SV2C: variants seen among roughly 807,000 people sequenced by gnomAD.
The protein encoded by SV2C is solute carrier family 22 member B3.
A neutral mutation model predicts 79.7 loss-of-function variants in SV2C; 49 were observed. That is an observed-to-expected ratio of 0.61 (90% CI 0.49 to 0.78). SV2C has a LOEUF of 0.78. Ranked by LOEUF, SV2C falls within the 30% of genes least tolerant of loss-of-function variation. The pLI, the probability that SV2C is intolerant of heterozygous loss-of-function variation, is 0.00. For missense variants in SV2C, 833 were observed against 912.9 expected, an observed-to-expected ratio of 0.91 and a Z score of 1.13; for synonymous variants, 334 against 333.2, an observed-to-expected ratio of 1.00 and a Z score of -0.03.
chr5:75,920,209 T>C, the SV2C span, among the ~76,000 whole-genome samples: 1 of 152,230 alleles, frequency 6.6e-6, no homozygotes, highest in Admixed American at 6.5e-5. Flanking sequence ...GAGAGCATTA[T>C]CTAGGAGCTG....
At chr5:76,136,879 CTGACAGGTCACAT>C (rs1459095954) in intron 2 of SV2C, among the ~76,000 whole-genome samples, 2 of 152,260 alleles carry the variant, frequency 1.3e-5, no homozygotes, top group Middle Eastern at 3.4e-3. Context: ...AGTGTTGGAG[CTGACAGGTCACAT>C]TGTGGATATA....
At chr5:76,292,041 T>A (rs1273894227) in intron 8 of SV2C, among the ~76,000 whole-genome samples, 185 bp downstream of exon 8, 1 of 152,210 alleles carries the variant, frequency 6.6e-6, no homozygotes, top group Non-Finnish European at 1.5e-5. Context: ...TGTTTTGTCA[T>A]AAAGCTAAGG....
At chr5:76,052,895 CTATTATAA>C in the SV2C span, among the ~76,000 whole-genome samples, 1 of 150,438 alleles carries the variant, frequency 6.6e-6, no homozygotes, top group Non-Finnish European at 1.5e-5. Flanking sequence ...TAATAATCTA[CTATTATAA>C]TATTATATAT....
At chr5:76,059,153 T>G in the SV2C span, among the ~76,000 whole-genome samples, 1 of 152,106 alleles carries the variant, frequency 6.6e-6, no homozygotes, top group Admixed American at 6.6e-5. Context: ...TTATAATCTT[T>G]TTGCTGGTGG....
chr5:76,001,551 T>G, the SV2C span, among the ~76,000 whole-genome samples: 3 of 151,466 alleles, frequency 2.0e-5, no homozygotes, highest in Admixed American at 2.0e-4. Flanking sequence ...GCAGCGCCAC[T>G]GCACTCCAGC....
At chr5:76,143,753 G>A (rs1024238874) in intron 2 of SV2C, among the ~76,000 whole-genome samples, 1 of 152,096 alleles carries the variant, frequency 6.6e-6, no homozygotes, top group Non-Finnish European at 1.5e-5. Flanking sequence ...TAGGATTGTG[G>A]TTTTAACATC....
At chr5:76,318,431 G>GA (rs921242353) in intron 12 of SV2C, among the ~76,000 whole-genome samples, 151 of 145,918 alleles carry the variant, frequency 1.0e-3, no homozygotes, top group African/African-American at 1.7e-3. Flanking sequence ...AAGAAAGAAA[G>GA]AAAAAAAAAA....
chr5:75,935,711 G>A, the SV2C span, among the ~76,000 whole-genome samples: 86,175 of 151,950 alleles, frequency 0.57, 25,312 homozygotes, highest in African/African-American at 0.73. Context: ...GTGTTAAGAA[G>A]TACGTAACAT....
At chr5:76,276,509 G>A (rs940933233) in intron 4 of SV2C, among the ~76,000 whole-genome samples, 1 of 152,132 alleles carries the variant, frequency 6.6e-6, no homozygotes, top group African/African-American at 2.4e-5. Flanking sequence ...TGTATTTCTT[G>A]TAGAGACGAG....
chr5:75,995,636 C>A, the SV2C span, among the ~76,000 whole-genome samples: 21 of 152,090 alleles, frequency 1.4e-4, no homozygotes, highest in African/African-American at 5.1e-4. Flanking sequence ...TCTGTGTAAC[C>A]TTTATTTTCA....
the SV2C span, among the ~76,000 whole-genome samples, chr5:76,031,771 T>A: frequency 6.6e-6 from 1 of 152,212 alleles, no homozygotes; most frequent in African/African-American, 2.4e-5. Context: ...TTAGTTGACA[T>A]TAGAAATTAT....
At chr5:76,154,795 A>G (rs1580312390) in intron 2 of SV2C, among the ~76,000 whole-genome samples, 1 of 152,378 alleles carries the variant, frequency 6.6e-6, no homozygotes, top group South Asian at 2.1e-4. Flanking sequence ...TTATTTGCCA[A>G]GGTTAAGGAT....
At chr5:76,320,827 T>C (rs754250971) in intron 12 of SV2C, among the ~76,000 whole-genome samples, 5 of 152,220 alleles carry the variant, frequency 3.3e-5, no homozygotes, top group Non-Finnish European at 7.3e-5. Flanking sequence ...GAAATTAGCT[T>C]ACCCTCTTCT....
the SV2C span, among the ~76,000 whole-genome samples, chr5:75,894,699 A>G: frequency 6.6e-6 from 1 of 152,274 alleles, no homozygotes; most frequent in Non-Finnish European, 1.5e-5. Flanking sequence ...GAGGTGATAG[A>G]TAACAGTTTG....
chr5:75,960,123 G>T, the SV2C span, among the ~76,000 whole-genome samples: 1 of 151,898 alleles, frequency 6.6e-6, no homozygotes, highest in Admixed American at 6.6e-5. Context: ...GACCTTGAAG[G>T]TCAATGGAAC....
chr5:76,319,022 A>G (rs1748730014), intron 12 of SV2C, among the ~76,000 whole-genome samples: 1 of 152,230 alleles, frequency 6.6e-6, no homozygotes, highest in South Asian at 2.1e-4. Context: ...AGAGTAAATG[A>G]ACTAAAAGCC....
chr5:75,858,791 C>A, the SV2C span, among the ~76,000 whole-genome samples: 1 of 152,048 alleles, frequency 6.6e-6, no homozygotes, highest in East Asian at 1.9e-4. Context: ...TGTTATTGGT[C>A]TTTCAGGTTT....
intron 4 of SV2C, among the ~76,000 whole-genome samples, chr5:76,239,425 A>G (rs1249589975): frequency 6.6e-6 from 1 of 152,168 alleles, no homozygotes; most frequent in African/African-American, 2.4e-5. Context: ...AACAATAACC[A>G]TTTATTATTT....
At chr5:75,849,458 T>C in the SV2C span, among the ~76,000 whole-genome samples, 1 of 152,208 alleles carries the variant, frequency 6.6e-6, no homozygotes, top group Non-Finnish European at 1.5e-5. Context: ...AAAAGACCAC[T>C]GTATAGACCA....
Sources: gnomAD v4.1 joint callset for allele counts (sites outside exome capture counted in the v4.1 genomes callset) on GRCh38, gnomAD v4.1.1 for gene constraint, MANE v1.5 for transcripts, NCBI Gene and HGNC (gene_info 2026-07-23, HGNC 2026-07-21) for gene names.